Variants in UBXN7 observed in about 807,000 individuals in gnomAD.
UBXN7 encodes the protein UBX domain protein 7.
Under a neutral mutation model 58.0 loss-of-function variants are expected in UBXN7, and 9 were observed. The observed-to-expected ratio is 0.16, with a 90% CI of 0.09 to 0.27. UBXN7 has a LOEUF of 0.27. Among genes scored for constraint, UBXN7 ranks in the 10% least tolerant of loss-of-function variants. The pLI is 1.00. For missense variants in UBXN7, 328 were observed against 599.6 expected, an observed-to-expected ratio of 0.55 and a Z score of 4.73; for synonymous variants, 208 against 205.0, an observed-to-expected ratio of 1.01 and a Z score of -0.12.
At chr3:196,420,999 G>C (rs1730664325) in intron 1 of UBXN7, among the ~76,000 whole-genome samples, 1 of 152,178 alleles carries the variant, frequency 6.6e-6, no homozygotes, top group Non-Finnish European at 1.5e-5. Flanking sequence ...CCCCAGCAAT[G>C]ATACCAAAGT....
At chr3:196,427,853 G>A (rs917187367) in intron 1 of UBXN7, among the ~76,000 whole-genome samples, 2 of 152,208 alleles carry the variant, frequency 1.3e-5, no homozygotes, top group Non-Finnish European at 1.5e-5. Flanking sequence ...GGGGCCGGTT[G>A]CAGTGGCTCA....
At chr3:196,361,624 A>C (rs1728507449) in intron 10 of UBXN7, among the ~76,000 whole-genome samples, 1 of 152,230 alleles carries the variant, frequency 6.6e-6, no homozygotes, top group African/African-American at 2.4e-5. Flanking sequence ...CTCCACCAAC[A>C]AAAAGATGAC....
chr3:196,365,503 C>T (rs1318676618), intron 8 of UBXN7, among the ~76,000 whole-genome samples: 1 of 152,058 alleles, frequency 6.6e-6, no homozygotes, highest in Non-Finnish European at 1.5e-5. Context: ...TTCCTGAACT[C>T]CTGGGCTCAA....
rs1190053585 is a variant in UBXN7, at chr3:196,352,647, T to G, written c.*4038A>C. ...AAGGAAGTAGAATTATATACAAGAT[T>G]TAAAAACATACACACAGAGGGTTCA... On this transcript the variant is annotated 3_prime_UTR_variant, in exon 11 of 11. Transcript: ENST00000296328. This position sits in a 1 kb window ranked among gnomAD's most constrained non-coding sequence, Gnocchi z 4.1. The G allele has an allele frequency of 6.6e-6, 1 of 152,128 alleles. No homozygotes were observed. Among genetic ancestry groups the G allele is most frequent in the Non-Finnish European group, 1.5e-5 (1 of 68,016 alleles). 9.4% of individuals were successfully genotyped at this position (152,128 alleles called of 1,614,324 possible). A position where few individuals can be genotyped will look rare whatever the true frequency, so the allele number is the denominator to read the frequency against.
At chr3:196,432,189 G>C in intron 1 of UBXN7, 138 bp downstream of exon 1, 1 of 1,234,600 alleles carries the variant, frequency 8.1e-7, no homozygotes, top group Non-Finnish European at 1.2e-6. Flanking sequence ...CGCCGTCGTC[G>C]CCTCTTCCTC....
In UBXN7 at chr3:196,353,792, G is replaced by A. The variant is rs1728275087; in HGVS notation, c.*2893C>T. On this transcript the variant is annotated 3_prime_UTR_variant, in exon 11 of 11. Transcript: ENST00000296328. ...ATGAGCCACCGCGCCCGGCCTTCCTGGTAGTTTCCATTCCATCTCCCTGTA... is the reference window on the plus strand; with the variant it reads ...ATGAGCCACCGCGCCCGGCCTTCCTAGTAGTTTCCATTCCATCTCCCTGTA... 6.6e-6 allele frequency: 1 copy of A among 151,730 alleles called. No individual in the cohort carries two copies. Among genetic ancestry groups the A allele is most frequent in the Non-Finnish European group, 1.5e-5 (1 of 67,936 alleles). 9.4% of individuals were successfully genotyped at this position (151,730 alleles called of 1,614,324 possible).
At chr3:196,407,134 C>T in intron 2 of UBXN7, 112 bp downstream of exon 2, 1 of 1,437,696 alleles carries the variant, frequency 7.0e-7, no homozygotes, top group Non-Finnish European at 9.3e-7. Context: ...TTTTCAGAGG[C>T]TTTCAGCCTT....
chr3:196,425,382 TAA>T (rs555731749), intron 1 of UBXN7, among the ~76,000 whole-genome samples: 10 of 140,950 alleles, frequency 7.1e-5, no homozygotes, highest in Non-Finnish European at 6.2e-5. Flanking sequence ...ACTCTTTCTT[TAA>T]AAAAAAAAAA....
intron 8 of UBXN7, among the ~76,000 whole-genome samples, chr3:196,364,996 C>T (rs1022313321): frequency 2.0e-5 from 3 of 151,970 alleles, no homozygotes; most frequent in East Asian, 3.8e-4. Context: ...GCATGTAGCT[C>T]GATTTTAAAA....
At chr3:196,361,737 CTA>C in intron 10 of UBXN7, 105 bp downstream of exon 10, 1 of 934,186 alleles carries the variant, frequency 1.1e-6, no homozygotes, top group South Asian at 1.6e-5. Context: ...ACTTAATAGA[CTA>C]TGGAATAATG....
At chr3:196,386,983 A>C (rs1051760781) in intron 5 of UBXN7, among the ~76,000 whole-genome samples, 7 of 152,196 alleles carry the variant, frequency 4.6e-5, no homozygotes, top group Non-Finnish European at 7.3e-5. Context: ...TACAGTAACC[A>C]AAACAGCATG....
rs57564327 is a variant in UBXN7 at position 196,385,854 on chromosome 3, G to A, written c.468+5959C>T. Among the ~76,000 whole-genome samples the A allele has an allele frequency of 4.3e-3, 652 of 151,508 alleles. 20 individuals carry two copies. In the South Asian group the frequency reaches 0.075, roughly 17 times the overall value. On this transcript the variant is annotated intron_variant, in intron 5 of 10. Coordinates refer to ENST00000296328, the MANE Select transcript of UBXN7 (RefSeq NM_015562.2). ...TGGGAAGTGAGGAGCCCCTCTGCCC[G>A]GCCGCCACCCCATCTGGGAGGTGTA...
chr3:196,400,272 G>A (rs1038913904), intron 3 of UBXN7: 3 of 151,862 alleles, frequency 2.0e-5, no homozygotes, highest in African/African-American at 7.3e-5. Flanking sequence ...CAACCTGAAA[G>A]GGAATATTAG....
Position 196,356,166 on chromosome 3 carries a change from C to T in UBXN7, c.*519G>A, listed in dbSNP as rs1025677482. The T allele has an allele frequency of 1.3e-5, 2 of 152,636 alleles. No homozygotes were observed. The highest frequency in any genetic ancestry group is 1.9e-4 in the East Asian group (1 of 5,198). 9.5% of individuals were successfully genotyped at this position (152,636 alleles called of 1,614,324 possible). ...ACAAAAGCCTGGATATTTTGTTAAGCGACATTTCCACATGAAGAACACAAC... is the reference window on the plus strand; with the variant it reads ...ACAAAAGCCTGGATATTTTGTTAAGTGACATTTCCACATGAAGAACACAAC... On this transcript the variant is annotated 3_prime_UTR_variant, in exon 11 of 11. Transcript: ENST00000296328.
At position 196,362,280 on chromosome 3, in the gene UBXN7, T is replaced by C; in HGVS notation, c.1228+14A>G. 1 of 1,574,864 alleles carries C rather than the reference T, an allele frequency of 6.3e-7. No homozygotes were observed. Among genetic ancestry groups the C allele is most frequent in the Non-Finnish European group, 8.6e-7 (1 of 1,163,698 alleles). On this transcript the variant is annotated intron_variant, in intron 9 of 10. Transcript: ENST00000296328. Reference sequence around the variant, plus strand: ...ATCTAAGTTTGAAGTAAAGTATGTCTAAATGTAACTTACCATTTACATCTA... The same window carrying C: ...ATCTAAGTTTGAAGTAAAGTATGTCCAAATGTAACTTACCATTTACATCTA...
chr3:196,382,828 G>C (rs1385146937), intron 5 of UBXN7, among the ~76,000 whole-genome samples: 1 of 152,120 alleles, frequency 6.6e-6, no homozygotes, highest in Non-Finnish European at 1.5e-5. Flanking sequence ...AAAAAATGCA[G>C]GGGTTGGCCG....
intron 3 of UBXN7, among the ~76,000 whole-genome samples, chr3:196,396,295 G>A (rs549861556): frequency 3.3e-5 from 5 of 150,102 alleles, no homozygotes; most frequent in African/African-American, 1.2e-4. Flanking sequence ...GTGCAGTGAT[G>A]TGCGCCTATA....
chr3:196,370,145 A>C (rs1728779392), intron 6 of UBXN7, among the ~76,000 whole-genome samples: 1 of 151,578 alleles, frequency 6.6e-6, no homozygotes, highest in African/African-American at 2.4e-5. Flanking sequence ...AAAAAAAAAA[A>C]AAAAGATTAT....
Position 196,362,355 on chromosome 3 carries a change from T to C in UBXN7, c.1167A>G (p.Ser389=), listed in dbSNP as rs1728529044. ...TNHQGLPAVD[S]EILEMPPEKA... ...TTTCAGGTGGCATCTCCAGTATCTC[T>C]GAATCCACAGCTGGCAATCCTTGGT... The change falls in exon 9 of 11, where the codon TCA becomes TCG. Residue 389 remains serine, a synonymous_variant. Coordinates refer to ENST00000296328, the MANE Select transcript of UBXN7 (RefSeq NM_015562.2). 2 of 1,614,066 alleles carry C rather than the reference T, an allele frequency of 1.2e-6. No individual in the cohort carries two copies. Among genetic ancestry groups the C allele is most frequent in the Non-Finnish European group, 8.5e-7 (1 of 1,179,958 alleles).
Sources: gnomAD v4.1 joint callset for allele counts (sites outside exome capture counted in the v4.1 genomes callset) on GRCh38, gnomAD v4.1.1 for gene constraint, Gnocchi (gnomAD v3.1) non-coding constraint, MANE v1.5 for transcripts, NCBI Gene and HGNC (gene_info 2026-07-23, HGNC 2026-07-21) for gene names.